SHROOM4: variants seen among roughly 807,000 people sequenced by gnomAD.
SHROOM4 encodes protein Shroom4.
SHROOM4 carries 17 observed loss-of-function variants against 80.3 expected under a neutral mutation model. The ratio of observed to expected loss-of-function variants is 0.21; its 90% CI spans 0.14 to 0.32. The LOEUF (loss-of-function observed/expected upper bound fraction) is 0.32. Among genes scored for constraint, SHROOM4 ranks in the 10% least tolerant of loss-of-function variants. The pLI is 1.00. For synonymous variants in SHROOM4, 400 were observed against 437.5 expected (o/e 0.91, Z 1.07); for missense variants, 993 against 1,140.3 (o/e 0.87, Z 1.86).
chrX:50,642,964 T>C (rs1931661092), intron 2 of SHROOM4, among the ~76,000 whole-genome samples: 1 of 111,673 alleles, frequency 9.0e-6, no homozygotes, highest in Non-Finnish European at 1.9e-5. Flanking sequence ...AGGTTTCCCA[T>C]AGCAATTCCC....
At chrX:50,792,745 A>T (rs1490471586) in intron 1 of SHROOM4, among the ~76,000 whole-genome samples, 3 of 108,358 alleles carry the variant, frequency 2.8e-5, no homozygotes, top group African/African-American at 1.0e-4. Context: ...AAGGAAATGC[A>T]AGTCAAAACC....
Position 50,595,088 on chromosome X carries a change from T to C in SHROOM4, c.*1607A>G, listed in dbSNP as rs1384528565. 2 of 112,623 alleles carry C rather than the reference T, an allele frequency of 1.8e-5. No individual in the cohort carries two copies. Among genetic ancestry groups the C allele is most frequent in the African/African-American group, 6.5e-5 (2 of 30,860 alleles). 9.3% of individuals were successfully genotyped at this position (112,623 alleles called of 1,213,427 possible). A position where few individuals can be genotyped will look rare whatever the true frequency, so the allele number is the denominator to read the frequency against. ...TCAAGGACCCTGAGGAACTCAGCAG[T>C]AACTAGAAGAGATGCCAGGCCTTGG... On this transcript the variant is annotated 3_prime_UTR_variant, in exon 9 of 9. Transcript: ENST00000376020.
intron 2 of SHROOM4, among the ~76,000 whole-genome samples, chrX:50,663,698 C>T (rs1932593102): frequency 9.0e-6 from 1 of 110,873 alleles, no homozygotes; most frequent in Non-Finnish European, 1.9e-5. Flanking sequence ...TTATGCATTC[C>T]TATGAACTAT....
At chrX:50,724,654 T>C (rs1322025382) in intron 1 of SHROOM4, among the ~76,000 whole-genome samples, 1 of 111,592 alleles carries the variant, frequency 9.0e-6, no homozygotes, top group Non-Finnish European at 1.9e-5. Flanking sequence ...TTATTTTTTG[T>C]ATTTTTAGTA....
chrX:50,809,075 G>A (rs1448154658), intron 1 of SHROOM4, among the ~76,000 whole-genome samples: 1 of 111,211 alleles, frequency 9.0e-6, no homozygotes, highest in Non-Finnish European at 1.9e-5. Context: ...AGGGCAGCAG[G>A]TGGGAAACTG....
chrX:50,694,144 T>G (rs956939815), intron 2 of SHROOM4, among the ~76,000 whole-genome samples: 30 of 111,990 alleles, frequency 2.7e-4, no homozygotes, highest in African/African-American at 9.4e-4. Flanking sequence ...CATATCTTGT[T>G]TATTGTGAAT....
intron 5 of SHROOM4, among the ~76,000 whole-genome samples, chrX:50,625,397 G>T (rs1319120302): frequency 9.0e-6 from 1 of 111,680 alleles, no homozygotes; most frequent in Non-Finnish European, 1.9e-5. Context: ...ACCACATAAT[G>T]CTTAGAGAGG....
At chrX:50,675,004 G>C (rs782753902) in intron 2 of SHROOM4, among the ~76,000 whole-genome samples, 4 of 112,140 alleles carry the variant, frequency 3.6e-5, no homozygotes, top group Non-Finnish European at 7.5e-5. Flanking sequence ...GCAGGTAAAG[G>C]AGTGGGACAC....
At chrX:50,699,711 T>G (rs190000908) in intron 1 of SHROOM4, among the ~76,000 whole-genome samples, 125 of 111,789 alleles carry the variant, frequency 1.1e-3, no homozygotes, top group Non-Finnish European at 2.0e-3. Flanking sequence ...TTTTGATGGG[T>G]CTTCAATGAA....
chrX:50,696,158 G>C (rs1250642544), intron 1 of SHROOM4, among the ~76,000 whole-genome samples: 1 of 111,604 alleles, frequency 9.0e-6, no homozygotes, highest in Non-Finnish European at 1.9e-5. Flanking sequence ...TGCAATCCCT[G>C]ACTGGAGGAA....
chrX:50,814,046 C>A lies in SHROOM4; in HGVS notation c.-28G>T. The A allele has an allele frequency of 9.0e-7, 1 of 1,106,618 alleles. No individual in the cohort carries two copies. Among genetic ancestry groups the A allele is most frequent in the Non-Finnish European group, 1.2e-6 (1 of 803,505 alleles). 91.2% of individuals were successfully genotyped at this position (1,106,618 alleles called of 1,213,427 possible). On this transcript the variant is annotated 5_prime_UTR_variant, in exon 1 of 9. Coordinates refer to ENST00000376020, the MANE Select transcript of SHROOM4 (RefSeq NM_020717.5). The stretch of plus-strand genomic sequence containing the variant: ...TCGGCTGGGCTCAGGCGCCGCCGGG[C>A]TCCTTTTCCGAGGGGGCTACGTTGC...
At chrX:50,780,813 T>C (rs1248079023) in intron 1 of SHROOM4, among the ~76,000 whole-genome samples, 1 of 110,984 alleles carries the variant, frequency 9.0e-6, no homozygotes, top group African/African-American at 3.3e-5. Flanking sequence ...TTAATCAGAG[T>C]TTTCCAGAGA....
At chrX:50,693,565 C>CAA (rs377189230) in intron 2 of SHROOM4, among the ~76,000 whole-genome samples, 4 of 77,437 alleles carry the variant, frequency 5.2e-5, no homozygotes, top group African/African-American at 1.8e-4. Flanking sequence ...AACTCCATTT[C>CAA]AAAAAAAAAA....
At chrX:50,613,216 C>T (rs782228966) in intron 5 of SHROOM4, among the ~76,000 whole-genome samples, 11 of 111,093 alleles carry the variant, frequency 9.9e-5, no homozygotes, top group South Asian at 3.9e-4. Context: ...CAGGTTCAAG[C>T]GACACTCGTG....
intron 7 of SHROOM4, 72 bp from the exon 8 acceptor site, chrX:50,598,607 C>T (rs1929239311): frequency 7.2e-6 from 8 of 1,113,133 alleles, no homozygotes; most frequent in South Asian, 5.9e-5. Flanking sequence ...TGCCTGTAAC[C>T]TCTGTTTTGG....
At chrX:50,627,075 C>T (rs1420116012) in intron 5 of SHROOM4, among the ~76,000 whole-genome samples, 1 of 111,509 alleles carries the variant, frequency 9.0e-6, no homozygotes, top group African/African-American at 3.3e-5. Flanking sequence ...CTCTGTGTGC[C>T]TCAATTTCTT....
At chrX:50,694,430 T>C (rs1305348773) in intron 2 of SHROOM4, among the ~76,000 whole-genome samples, 1 of 109,326 alleles carries the variant, frequency 9.1e-6, no homozygotes, top group East Asian at 2.8e-4. Context: ...CATTGTGGTT[T>C]TTAATTTCCC....
At chrX:50,678,531 A>G (rs1557261523) in intron 2 of SHROOM4, among the ~76,000 whole-genome samples, 3 of 110,932 alleles carry the variant, frequency 2.7e-5, no homozygotes, top group African/African-American at 6.5e-5. Context: ...CTTCCTATAC[A>G]TTGGGCAGTG....
Position 50,607,728 on chromosome X carries a change from T to TCC in SHROOM4, c.3413_3414insGG (p.Glu1140LysfsTer42), listed in dbSNP as rs1557248866. The TCC allele has an allele frequency of 5.6e-3, 6,276 of 1,116,167 alleles. 30 individuals are homozygous for TCC. Among genetic ancestry groups the TCC allele is most frequent in the Middle Eastern group, 0.019 (75 of 3,885 alleles). The allele number at this position is 1,116,167 out of a possible 1,213,427, so 92.0% of individuals were successfully genotyped here. On this transcript the variant is annotated frameshift_variant, in exon 6 of 9. Transcript: ENST00000376020. LOFTEE classifies it high-confidence loss of function. ...CTTCCTCTTCCTCTTCTTCTTCTTC[T>TCC]TCCTCCTCCTCCTCCTCCTCCTGTT...
Sources: gnomAD v4.1 joint callset for allele counts (sites outside exome capture counted in the v4.1 genomes callset) on GRCh38, gnomAD v4.1.1 for gene constraint, MANE v1.5 for transcripts, NCBI Gene and HGNC (gene_info 2026-07-23, HGNC 2026-07-21) for gene names.